REDIC1: variants seen among roughly 807,000 people sequenced by gnomAD.
The protein encoded by REDIC1 is HEI10 Interacting Protein 1.
chr12:39,841,703 A>G, the REDIC1 span, among the ~76,000 whole-genome samples: 1 of 152,086 alleles, frequency 6.6e-6, no homozygotes, highest in Non-Finnish European at 1.5e-5. Context: ...ACATACAAAT[A>G]TAATCTAATT....
At chr12:39,810,642 GT>G in the REDIC1 span, among the ~76,000 whole-genome samples, 1 of 152,100 alleles carries the variant, frequency 6.6e-6, no homozygotes, top group African/African-American at 2.4e-5. Context: ...GGTCGAGGAA[GT>G]TTCCTTCCAT....
chr12:39,885,733 T>C, the REDIC1 span, among the ~76,000 whole-genome samples: 30 of 152,338 alleles, frequency 2.0e-4, no homozygotes, highest in African/African-American at 6.0e-4. Flanking sequence ...TACTAGCTGC[T>C]AAAACATTTA....
At chr12:39,712,366 A>ATATATACCTG in the REDIC1 span, among the ~76,000 whole-genome samples, 1 of 119,174 alleles carries the variant, frequency 8.4e-6, no homozygotes, top group Non-Finnish European at 1.8e-5. Context: ...ACATACATAC[A>ATATATACCTG]TATGTATATA....
the REDIC1 span, among the ~76,000 whole-genome samples, chr12:39,896,468 A>T: frequency 6.9e-6 from 1 of 144,350 alleles, no homozygotes; most frequent in African/African-American, 2.6e-5. Flanking sequence ...ATATGTATAC[A>T]TATATGTATA....
chr12:39,772,613 G>A, the REDIC1 span, among the ~76,000 whole-genome samples: 5,129 of 152,152 alleles, frequency 0.034, 303 homozygotes, highest in African/African-American at 0.12. Context: ...AAAGAAAAAA[G>A]AGAAGAAGAA....
the REDIC1 span, among the ~76,000 whole-genome samples, chr12:39,817,995 G>A: frequency 9.2e-5 from 14 of 152,084 alleles, no homozygotes; most frequent in Admixed American, 9.2e-4. Context: ...CCTCTGCTTT[G>A]TCCTTTCAAG....
the REDIC1 span, among the ~76,000 whole-genome samples, chr12:39,678,458 C>CA: frequency 2.0e-5 from 3 of 149,276 alleles, no homozygotes; most frequent in Admixed American, 6.6e-5. Flanking sequence ...AACTTGCCAA[C>CA]AAAAAAAAAG....
At chr12:39,693,305 G>A in the REDIC1 span, among the ~76,000 whole-genome samples, 1 of 151,808 alleles carries the variant, frequency 6.6e-6, no homozygotes, top group Non-Finnish European at 1.5e-5. Context: ...ATGTTATCTA[G>A]TCTGATGGAA....
At chr12:39,696,628 C>T in the REDIC1 span, among the ~76,000 whole-genome samples, 3 of 139,454 alleles carry the variant, frequency 2.2e-5, no homozygotes, top group South Asian at 2.5e-4. Flanking sequence ...TGTGACCTTT[C>T]AGACACAGTA....
At chr12:39,758,531 C>G in the REDIC1 span, 1 of 151,792 alleles carries the variant, frequency 6.6e-6, no homozygotes, top group Admixed American at 6.6e-5. Flanking sequence ...CTGGAACTAG[C>G]AAGTAATTTT....
the REDIC1 span, among the ~76,000 whole-genome samples, chr12:39,732,764 A>C: frequency 1.8e-4 from 27 of 152,242 alleles, no homozygotes; most frequent in South Asian, 1.0e-3. Flanking sequence ...AGTCCATTGT[A>C]ATGTTTATCC....
the REDIC1 span, among the ~76,000 whole-genome samples, chr12:39,889,529 CTTTTTTTTTTT>C: frequency 8.3e-6 from 1 of 119,864 alleles, no homozygotes; most frequent in African/African-American, 3.0e-5. Flanking sequence ...GGTAAACAAC[CTTTTTTTTTTT>C]TTTTTTTTTT....
At chr12:39,713,962 C>A in the REDIC1 span, among the ~76,000 whole-genome samples, 3 of 147,002 alleles carry the variant, frequency 2.0e-5, no homozygotes, top group South Asian at 4.2e-4. Context: ...CGTGTATATA[C>A]AGGTATGTGC....
At chr12:39,892,491 C>T in the REDIC1 span, among the ~76,000 whole-genome samples, 871 of 152,304 alleles carry the variant, frequency 5.7e-3, 7 homozygotes, top group African/African-American at 0.02. Context: ...CAACTACTGA[C>T]GCTTAACCGA....
chr12:39,884,655 C>T, the REDIC1 span, among the ~76,000 whole-genome samples: 122 of 152,152 alleles, frequency 8.0e-4, no homozygotes, highest in African/African-American at 2.8e-3. Context: ...TGAGGGTGAC[C>T]GCCATACATA....
At chr12:39,653,534 TTCTTTTTC>T in the REDIC1 span, among the ~76,000 whole-genome samples, 141 of 54,000 alleles carry the variant, frequency 2.6e-3, 1 homozygote, top group South Asian at 4.2e-3. Context: ...CTTCTTCTTC[TTCTTTTTC>T]TTCTTCTTCT....
chr12:39,819,503 C>T, the REDIC1 span, among the ~76,000 whole-genome samples: 4 of 152,072 alleles, frequency 2.6e-5, no homozygotes, highest in Non-Finnish European at 5.9e-5. Context: ...CCTAAAAGCC[C>T]GGGCTGATTT....
the REDIC1 span, among the ~76,000 whole-genome samples, chr12:39,895,527 TA>T: frequency 2.2e-5 from 1 of 45,562 alleles, no homozygotes; most frequent in Non-Finnish European, 5.2e-5. Flanking sequence ...TATATATATA[TA>T]TATATATATA....
At chr12:39,649,883 T>C in the REDIC1 span, among the ~76,000 whole-genome samples, 2 of 151,990 alleles carry the variant, frequency 1.3e-5, no homozygotes, top group African/African-American at 4.8e-5. Flanking sequence ...AGCTCTTTTA[T>C]TGGGACAAAT....
Sources: allele counts gnomAD v4.1 joint callset (sites outside exome capture counted in the v4.1 genomes callset), GRCh38; gene constraint gnomAD v4.1.1; transcripts MANE v1.5; gene names NCBI Gene and HGNC (gene_info 2026-07-23, HGNC 2026-07-21).